The following OCM variants were observed in gnomAD, a reference collection of about 807,000 sequenced individuals.
OCM encodes oncomodulin, also known as oncomodulin-1.
In OCM, 18 loss-of-function variants were observed where a neutral mutation model predicts 14.1. That is an observed-to-expected ratio of 1.28 (90% CI 0.88 to 1.89). The LOEUF (loss-of-function observed/expected upper bound fraction) is 1.89, where lower values mean the gene tolerates loss of function less well. OCM is among the 40% of genes most tolerant of loss of function. The probability of loss-of-function intolerance (pLI) is 0.00; values close to 1 mark genes in which losing one functional copy is unlikely to be tolerated. For synonymous variants in OCM, 48 were observed against 51.0 expected (o/e 0.94, Z 0.25); for missense variants, 140 against 137.6 (o/e 1.02, Z -0.09).
At chr7:5,867,309 C>G in the OCM span, among the ~76,000 whole-genome samples, 36 of 151,972 alleles carry the variant, frequency 2.4e-4, no homozygotes, top group African/African-American at 8.7e-4. Context: ...AAGACCCCAT[C>G]TCAAAAAAAA....
At chr7:5,882,138 C>G (rs1017532393) in intron 1 of OCM, among the ~76,000 whole-genome samples, 7 of 143,472 alleles carry the variant, frequency 4.9e-5, no homozygotes, top group African/African-American at 1.8e-4. Context: ...GGCCATTTAG[C>G]CTGTTGAAAT....
chr7:5,867,152 A>G, the OCM span, among the ~76,000 whole-genome samples: 1 of 151,872 alleles, frequency 6.6e-6, no homozygotes, highest in Non-Finnish European at 1.5e-5. Context: ...GCAGTTCTTT[A>G]AAAAAAATTC....
chr7:5,873,022 C>T, the OCM span, among the ~76,000 whole-genome samples: 2 of 151,994 alleles, frequency 1.3e-5, no homozygotes, highest in South Asian at 2.1e-4. Context: ...GAACCACAAT[C>T]GCATCATTGC....
chr7:5,876,476 G>C (rs1781098207), upstream of OCM, among the ~76,000 whole-genome samples: 1 of 152,118 alleles, frequency 6.6e-6, no homozygotes, highest in Non-Finnish European at 1.5e-5. Context: ...AAGGGGCTGG[G>C]CGAGGTGATG....
At chr7:5,860,728 A>G in the OCM span, among the ~76,000 whole-genome samples, 3 of 143,734 alleles carry the variant, frequency 2.1e-5, no homozygotes, top group Non-Finnish European at 3.1e-5. Context: ...ATACGTGTAT[A>G]TATTCACGTA....
intron 2 of OCM, among the ~76,000 whole-genome samples, 159 bp downstream of exon 2, chr7:5,882,784 C>T (rs1015560693): frequency 6.6e-6 from 1 of 151,526 alleles, no homozygotes; most frequent in Non-Finnish European, 1.5e-5. Flanking sequence ...GTTGACCGCA[C>T]ATCTACCCAT....
chr7:5,868,789 A>C, the OCM span, among the ~76,000 whole-genome samples: 1 of 152,254 alleles, frequency 6.6e-6, no homozygotes, highest in African/African-American at 2.4e-5. Flanking sequence ...CAGGCCGAGC[A>C]CGGTGGCTGA....
the OCM span, among the ~76,000 whole-genome samples, chr7:5,861,155 C>T: frequency 2.6e-5 from 4 of 152,036 alleles, no homozygotes; most frequent in Non-Finnish European, 5.9e-5. Flanking sequence ...AGTGCGGTGG[C>T]TCACGCCTGT....
the OCM span, among the ~76,000 whole-genome samples, chr7:5,865,538 C>T: frequency 0.16 from 23,776 of 152,138 alleles, 2,042 homozygotes; most frequent in East Asian, 0.32. Flanking sequence ...GTGGCCATCC[C>T]ATTCCCATAG....
At chr7:5,862,910 A>G in the OCM span, among the ~76,000 whole-genome samples, 1 of 141,192 alleles carries the variant, frequency 7.1e-6, no homozygotes, top group African/African-American at 2.7e-5. Flanking sequence ...TTTCATGTTT[A>G]TCTTATGTAA....
chr7:5,865,593 T>C, the OCM span, among the ~76,000 whole-genome samples: 2 of 152,210 alleles, frequency 1.3e-5, no homozygotes, highest in African/African-American at 2.4e-5. Flanking sequence ...GCAAAAGTTA[T>C]AATTGCAAAA....
Position 5,882,528 on chromosome 7 carries a change from A to C in OCM, c.97A>C (p.Thr33Pro). ...TTTTGAACCCCAAAAATTCTTCCAG[A>C]CATCAGGCCTCTCCAAGATGTCAGC... ...DTFEPQKFFQ[T>P]SGLSKMSANQ... The change falls in exon 2 of 4, where the codon ACA becomes CCA. Residue 33 changes from threonine to proline, a missense_variant. Coordinates refer to ENST00000242104, the MANE Select transcript of OCM (RefSeq NM_001097622.2). The C allele has an allele frequency of 6.2e-7, 1 of 1,614,162 alleles. No homozygotes were observed. Among genetic ancestry groups the C allele is most frequent in the Non-Finnish European group, 8.5e-7 (1 of 1,180,032 alleles).
chr7:5,864,385 C>G, the OCM span, among the ~76,000 whole-genome samples: 5 of 150,892 alleles, frequency 3.3e-5, no homozygotes, highest in South Asian at 1.1e-3. Context: ...TCACGGTGTT[C>G]TAAAAAGCAG....
upstream of OCM, among the ~76,000 whole-genome samples, chr7:5,874,838 A>G (rs997841269): frequency 4.6e-5 from 7 of 151,850 alleles, no homozygotes; most frequent in African/African-American, 1.7e-4. Context: ...GTGGCATTAA[A>G]TATATTCACA....
chr7:5,868,228 C>T, the OCM span, among the ~76,000 whole-genome samples: 9 of 152,086 alleles, frequency 5.9e-5, no homozygotes, highest in Non-Finnish European at 1.2e-4. Context: ...CTCACTACAA[C>T]CTCAACCACC....
At chr7:5,872,344 TC>T in the OCM span, among the ~76,000 whole-genome samples, 4 of 152,202 alleles carry the variant, frequency 2.6e-5, no homozygotes, top group Admixed American at 1.3e-4. Flanking sequence ...AGCAGTCACT[TC>T]GTCTCACGAA....
At position 5,883,890 on chromosome 7, in the gene OCM, G is replaced by A; in HGVS notation, c.195G>A (p.Lys65=). Residue 65 remains lysine (K), a splice_region_variant and synonymous_variant, in exon 3 of 4, where the codon AAG becomes AAA. Transcript: ENST00000242104. ...CCCATGGATCTTTATTATCCTGTAG[G>A]TTTTTCCTCCAGAAGTTTGAGAGTG... ...QSGYLDEEEL[K]FFLQKFESGA... 2 of 1,612,470 alleles carry A rather than the reference G, an allele frequency of 1.2e-6. No individual in the cohort carries two copies. Among genetic ancestry groups the A allele is most frequent in the Admixed American group, 1.7e-5 (1 of 59,830 alleles).
intron 2 of OCM, 71 bp from the exon 3 acceptor site, chr7:5,883,819 A>G: frequency 6.3e-7 from 1 of 1,588,308 alleles, no homozygotes; most frequent in Non-Finnish European, 8.6e-7. Flanking sequence ...TGCTTAGAGG[A>G]AAAACAAAAG....
chr7:5,862,288 A>G, the OCM span, among the ~76,000 whole-genome samples: 1 of 152,056 alleles, frequency 6.6e-6, no homozygotes, highest in Non-Finnish European at 1.5e-5. Flanking sequence ...TTTGTTCCCA[A>G]ATGGAGAGCT....
Sources: gnomAD v4.1 joint callset for allele counts (sites outside exome capture counted in the v4.1 genomes callset) on GRCh38, gnomAD v4.1.1 for gene constraint, MANE v1.5 for transcripts, NCBI Gene and HGNC (gene_info 2026-07-23, HGNC 2026-07-21) for gene names.